The following CPSF2 variants were observed in gnomAD, a reference collection of about 807,000 sequenced individuals.
The protein encoded by CPSF2 is cleavage and polyadenylation specific factor 2.
In CPSF2, 51 loss-of-function variants were observed where a neutral mutation model predicts 84.2. The observed-to-expected ratio is 0.61, with a 90% CI of 0.48 to 0.77. The LOEUF is 0.77. Among genes scored for constraint, CPSF2 ranks in the 30% least tolerant of loss-of-function variants. The probability of loss-of-function intolerance (pLI) is 0.00; values close to 1 mark genes in which losing one functional copy is unlikely to be tolerated. For missense variants in CPSF2, 641 were observed against 929.4 expected (o/e 0.69, Z 4.03); for synonymous variants, 286 against 311.9 (o/e 0.92, Z 0.87).
intron 9 of CPSF2, among the ~76,000 whole-genome samples, chr14:92,148,993 A>G (rs2069177767): frequency 6.6e-6 from 1 of 152,158 alleles, no homozygotes; most frequent in Non-Finnish European, 1.5e-5. Flanking sequence ...TAATTTTATA[A>G]TAGTACATTG....
chr14:92,132,649 G>A (rs2068947405), intron 3 of CPSF2, among the ~76,000 whole-genome samples: 2 of 151,680 alleles, frequency 1.3e-5, no homozygotes, highest in South Asian at 4.2e-4. Context: ...GTGCATGCCT[G>A]TAATCCCAGC....
In CPSF2 at chr14:92,134,077, G is replaced by T. The variant is rs141630712; in HGVS notation, c.216G>T (p.Pro72=). Residue 72 remains proline, a synonymous_variant, in exon 4 of 16, where the codon CCG becomes CCT. Transcript: ENST00000298875. ...ATCCTCTCCACCTTGGTGCCCTCCC[G>T]TATGCTGTCGGAAAGTTGGGTCTGA... ...HPDPLHLGAL[P]YAVGKLGLNC... is the part of the protein sequence containing the mutation. 26 of 1,613,978 alleles carry T rather than the reference G, an allele frequency of 1.6e-5. No individual in the cohort carries two copies. Among genetic ancestry groups the T allele is most frequent in the Non-Finnish European group, 2.0e-5 (24 of 1,179,982 alleles).
At chr14:92,142,457 T>G in intron 8 of CPSF2, 106 bp downstream of exon 8, 1 of 829,658 alleles carries the variant, frequency 1.2e-6, no homozygotes, top group Non-Finnish European at 1.9e-6. Flanking sequence ...TTGAAGAGAT[T>G]GTTAATAAGA....
chr14:92,163,728 T>A lies in CPSF2; in HGVS notation c.*1984T>A, dbSNP rs1203800513. The A allele has an allele frequency of 6.6e-6, 1 of 152,134 alleles. No individual in the cohort carries two copies. The highest frequency in any genetic ancestry group is 1.5e-5 in the Non-Finnish European group (1 of 68,126). The allele number at this position is 152,134 out of a possible 1,614,324, so 9.4% of individuals were successfully genotyped here. On this transcript the variant is annotated 3_prime_UTR_variant, in exon 16 of 16. Coordinates refer to ENST00000298875, the MANE Select transcript of CPSF2 (RefSeq NM_017437.3). Reference sequence around the variant, plus strand: ...GAGATCTGATGGGTGTTTTTTTTTGTTTTGTTTTTTGTTTTTTGAGATGGA... The same window carrying A: ...GAGATCTGATGGGTGTTTTTTTTTGATTTGTTTTTTGTTTTTTGAGATGGA...
rs1288632268 is a variant in CPSF2 at position 92,135,315 on chromosome 14, C to T, written c.416-52C>T. 1.1e-5 allele frequency: 16 copies of T among 1,481,922 alleles called. No homozygotes were observed. The Admixed American group carries it at 1.1e-4, about 10-fold the overall frequency. 91.8% of individuals were successfully genotyped at this position (1,481,922 alleles called of 1,614,324 possible). On this transcript the variant is annotated intron_variant, in intron 5 of 15. Coordinates refer to ENST00000298875, the MANE Select transcript of CPSF2 (RefSeq NM_017437.3). ...ATATTATAGTTGAGAAATAAATAAC[C>T]TTTCTTTAGGGTTGTAAAAGAAATC... is the stretch of plus-strand genomic sequence containing the variant.
rs746292594 is a variant in CPSF2 at position 92,135,347 on chromosome 14, T to C, written c.416-20T>C. The C allele has an allele frequency of 6.3e-7, 1 of 1,582,026 alleles. No homozygotes were observed. The highest frequency in any genetic ancestry group is 2.3e-5 in the East Asian group (1 of 44,262). Reference sequence around the variant, plus strand: ...TAGGGTTGTAAAAGAAATCTGAGTATTGTTATCTTGTTGACATAGGTAAAG... The same window carrying C: ...TAGGGTTGTAAAAGAAATCTGAGTACTGTTATCTTGTTGACATAGGTAAAG... On this transcript the variant is annotated intron_variant, in intron 5 of 15. Coordinates refer to ENST00000298875, the MANE Select transcript of CPSF2 (RefSeq NM_017437.3).
In CPSF2 at chr14:92,157,990, T is replaced by C; in HGVS notation, c.1821+106T>C. 1 of 761,384 alleles carries C rather than the reference T, an allele frequency of 1.3e-6. No individual in the cohort carries two copies. The allele number at this position is 761,384 out of a possible 1,614,324, so 47.2% of individuals were successfully genotyped here. On this transcript the variant is annotated intron_variant, in intron 13 of 15. Coordinates refer to ENST00000298875, the MANE Select transcript of CPSF2 (RefSeq NM_017437.3). The surrounding 1 kb of genome is among the most constrained non-coding windows in gnomAD (Gnocchi z 4.0). ...AGATGTGTGAGACAGACATGGATGG[T>C]CTCCTGCCCTAGCAGACCTCATAGG...
intron 9 of CPSF2, among the ~76,000 whole-genome samples, chr14:92,151,609 T>C (rs1413684389): frequency 1.3e-5 from 2 of 152,172 alleles, no homozygotes; most frequent in African/African-American, 4.8e-5. Flanking sequence ...CAACTATACA[T>C]GCGTATAAGC....
intron 1 of CPSF2, among the ~76,000 whole-genome samples, chr14:92,125,005 G>A (rs2068827381): frequency 6.6e-6 from 1 of 152,166 alleles, no homozygotes; most frequent in African/African-American, 2.4e-5. Context: ...AGTGATGTCA[G>A]GGTGGCTTCC....
chr14:92,146,100 G>T (rs1330531097), intron 9 of CPSF2, among the ~76,000 whole-genome samples: 1 of 152,148 alleles, frequency 6.6e-6, no homozygotes, highest in Non-Finnish European at 1.5e-5. Context: ...CCTACGTTAA[G>T]TGTATAGCAT....
chr14:92,131,216 A>G, intron 3 of CPSF2, 83 bp downstream of exon 3: 1 of 1,138,366 alleles, frequency 8.8e-7, no homozygotes, highest in East Asian at 2.6e-5. Flanking sequence ...TGTGATAAAT[A>G]CTGCCTTTTT....
At chr14:92,161,586 G>A (rs535139388) in intron 15 of CPSF2, 66 bp from the exon 16 acceptor site, 10 of 1,082,304 alleles carry the variant, frequency 9.2e-6, no homozygotes, top group African/African-American at 6.6e-5. Flanking sequence ...CATATATTTC[G>A]GTTATTATGT....
At chr14:92,136,740 G>A (rs1274442844) in intron 6 of CPSF2, among the ~76,000 whole-genome samples, 1 of 151,960 alleles carries the variant, frequency 6.6e-6, no homozygotes, top group Non-Finnish European at 1.5e-5. Flanking sequence ...GTCCTCCTTC[G>A]TTCAGTCTCG....
intron 13 of CPSF2, 66 bp from the exon 14 acceptor site, chr14:92,158,917 T>A (rs2069328215): frequency 1.5e-6 from 2 of 1,359,984 alleles, no homozygotes; most frequent in Non-Finnish European, 2.0e-6. Context: ...TGATAATAGG[T>A]TATATTTAAT....
At chr14:92,131,990 T>C (rs374876388) in intron 3 of CPSF2, among the ~76,000 whole-genome samples, 1 of 152,224 alleles carries the variant, frequency 6.6e-6, no homozygotes, top group African/African-American at 2.4e-5. Context: ...TGAGAACATA[T>C]GCTTCCCTGA....
chr14:92,151,612 G>A (rs567801680), intron 9 of CPSF2, among the ~76,000 whole-genome samples: 3 of 151,990 alleles, frequency 2.0e-5, no homozygotes, highest in Non-Finnish European at 4.4e-5. Flanking sequence ...CTATACATGC[G>A]TATAAGCCTG....
chr14:92,147,899 A>T (rs1312447490), intron 9 of CPSF2, among the ~76,000 whole-genome samples: 1 of 152,120 alleles, frequency 6.6e-6, no homozygotes, highest in Non-Finnish European at 1.5e-5. Context: ...AATTTAAAAA[A>T]AAATTTATAG....
chr14:92,159,144 G>C lies in CPSF2; in HGVS notation c.1983G>C (p.Glu661Asp), dbSNP rs1027078752. 1.2e-6 allele frequency: 2 copies of C among 1,614,116 alleles called. No individual in the cohort carries two copies. The highest frequency in any genetic ancestry group is 1.7e-5 in the Admixed American group (1 of 60,012). The change falls in exon 14 of 16, where the codon GAG becomes GAC. Residue 661 changes from glutamate to aspartate, a missense_variant. This residue lies in a region of CPSF2 where 430 missense variants were observed against 553.6 expected (regional missense o/e 0.78). Transcript: ENST00000298875. ...TAAAGGATGATGGAGAAGACTCAGA[G>C]ATGCAAGTGGAAGCTCCCTCAGATT... The part of the protein sequence containing the change: ...GELKDDGEDS[E>D]MQVEAPSDSS...
At chr14:92,130,909 C>G in intron 2 of CPSF2, 42 bp from the exon 3 acceptor site, 1 of 1,242,772 alleles carries the variant, frequency 8.0e-7, no homozygotes, top group Non-Finnish European at 1.1e-6. Context: ...ATATGCCAGA[C>G]TGTGCTTTTA....
Sources: gnomAD v4.1 joint callset for allele counts (sites outside exome capture counted in the v4.1 genomes callset) on GRCh38, gnomAD v4.1.1 for gene constraint, gnomAD v4.1.1 regional missense constraint, Gnocchi (gnomAD v3.1) non-coding constraint, MANE v1.5 for transcripts, NCBI Gene and HGNC (gene_info 2026-07-23, HGNC 2026-07-21) for gene names.